The following ALMS1 variants were observed in gnomAD, a reference collection of about 807,000 sequenced individuals.
The protein encoded by ALMS1 is centrosome-associated protein ALMS1.
A neutral mutation model predicts 352.2 loss-of-function variants in ALMS1; 271 were observed. The ratio of observed to expected loss-of-function variants is 0.77; its 90% CI spans 0.70 to 0.85. ALMS1 has a LOEUF of 0.85. Ranked by LOEUF, ALMS1 falls within the 40% of genes least tolerant of loss-of-function variation. ALMS1 has a pLI of 0.00. For synonymous variants in ALMS1, 1,865 were observed against 1,761.2 expected (o/e 1.06, Z -1.48); for missense variants, 5,445 against 4,870.7 (o/e 1.12, Z -3.51).
chr2:73,431,578 A>T (rs1671499629), intron 6 of ALMS1, among the ~76,000 whole-genome samples: 1 of 152,212 alleles, frequency 6.6e-6, no homozygotes, highest in Non-Finnish European at 1.5e-5. Flanking sequence ...TTGATGAAAC[A>T]TTAGGAACTT....
At chr2:73,599,262 ACAGTATCT>A (rs1675619252) in intron 16 of ALMS1, 131 bp from the exon 17 acceptor site, 1 of 1,098,978 alleles carries the variant, frequency 9.1e-7, no homozygotes, top group East Asian at 2.4e-5. Context: ...CAGCAAGTTC[ACAGTATCT>A]CAAGCTTCCT....
chr2:73,404,554 C>T lies in ALMS1; in HGVS notation c.325-4068C>T, dbSNP rs72809999. 4.8e-3 allele frequency among the ~76,000 whole-genome samples: 729 copies of T among 151,436 alleles called. 3 individuals are homozygous for T. Among genetic ancestry groups the T allele is most frequent in the Middle Eastern group, 0.027 (8 of 294 alleles). ...TTTGAGATGATCATGTGGTTTTTGT[C>T]CTTCCATTAATGTGGTGTATTACAT... On this transcript the variant is annotated intron_variant, in intron 1 of 22. Transcript: ENST00000613296.
chr2:73,557,805 G>A (rs918727988), intron 14 of ALMS1, among the ~76,000 whole-genome samples: 6 of 152,130 alleles, frequency 3.9e-5, no homozygotes, highest in South Asian at 2.1e-4. Context: ...GTGTATTTAC[G>A]TTAGGATTAG....
chr2:73,585,129 C>T (rs1675281348), intron 16 of ALMS1, among the ~76,000 whole-genome samples: 1 of 152,112 alleles, frequency 6.6e-6, no homozygotes, highest in Non-Finnish European at 1.5e-5. Flanking sequence ...ATATTTTCCT[C>T]TGGGAAGATA....
intron 10 of ALMS1, among the ~76,000 whole-genome samples, chr2:73,498,307 T>C (rs773420828): frequency 6.6e-6 from 1 of 152,056 alleles, no homozygotes; most frequent in Admixed American, 6.6e-5. Context: ...TAGGTGTATA[T>C]GTTTATGGGT....
chr2:73,415,046 C>T (rs1289202375), intron 2 of ALMS1, among the ~76,000 whole-genome samples: 1 of 152,104 alleles, frequency 6.6e-6, no homozygotes, highest in Non-Finnish European at 1.5e-5. Flanking sequence ...AGATCCAGGA[C>T]TTTAAATACA....
intron 10 of ALMS1, among the ~76,000 whole-genome samples, chr2:73,510,351 A>G (rs763200498): frequency 6.6e-6 from 1 of 152,126 alleles, no homozygotes; most frequent in Non-Finnish European, 1.5e-5. Context: ...TTGTGGATTT[A>G]TCTACCTTTG....
intron 7 of ALMS1, among the ~76,000 whole-genome samples, chr2:73,444,694 G>A (rs932852159): frequency 3.3e-5 from 5 of 152,076 alleles, no homozygotes; most frequent in African/African-American, 9.7e-5. Context: ...TTATCAACAG[G>A]ACAACGTTAA....
intron 13 of ALMS1, among the ~76,000 whole-genome samples, chr2:73,553,665 A>C (rs1674485377): frequency 6.6e-6 from 1 of 152,238 alleles, no homozygotes; most frequent in Admixed American, 6.5e-5. Context: ...AATCATATGT[A>C]AATACTAAAT....
chr2:73,437,241 C>G (rs1671621459), intron 7 of ALMS1, among the ~76,000 whole-genome samples: 1 of 152,176 alleles, frequency 6.6e-6, no homozygotes, highest in Non-Finnish European at 1.5e-5. Context: ...TGGCACTGCT[C>G]TGTATCTGGG....
chr2:73,465,295 G>C (rs1366731065), intron 9 of ALMS1, among the ~76,000 whole-genome samples: 1 of 152,044 alleles, frequency 6.6e-6, no homozygotes, highest in Non-Finnish European at 1.5e-5. Flanking sequence ...CAGAGATATA[G>C]ATCAATGGAA....
chr2:73,390,794 GTC>G (rs142388896), intron 1 of ALMS1, among the ~76,000 whole-genome samples: 5 of 151,310 alleles, frequency 3.3e-5, no homozygotes, highest in South Asian at 4.2e-4. Context: ...TTAAGATGGA[GTC>G]TCTCGCTTTT....
intron 10 of ALMS1, among the ~76,000 whole-genome samples, chr2:73,512,222 C>T (rs932404329): frequency 4.0e-4 from 61 of 152,082 alleles, no homozygotes; most frequent in African/African-American, 1.3e-3. Flanking sequence ...GTAGCTGGGA[C>T]TACAGGTGCG....
At chr2:73,402,392 G>C (rs1434986486) in intron 1 of ALMS1, among the ~76,000 whole-genome samples, 3 of 149,772 alleles carry the variant, frequency 2.0e-5, no homozygotes, top group Admixed American at 1.3e-4. Flanking sequence ...TTGTGTCTCA[G>C]CCTCCTGAGT....
intron 16 of ALMS1, among the ~76,000 whole-genome samples, chr2:73,595,586 C>T (rs77366887): frequency 0.011 from 1,607 of 152,272 alleles, 25 homozygotes; most frequent in African/African-American, 0.036. Flanking sequence ...GTGAATGCTG[C>T]TATTAATACT....
intron 11 of ALMS1, among the ~76,000 whole-genome samples, chr2:73,522,593 C>G (rs1673705097): frequency 6.6e-6 from 1 of 151,340 alleles, no homozygotes; most frequent in Admixed American, 6.6e-5. Flanking sequence ...CTCAGCCTCC[C>G]AAGTAGCTGG....
chr2:73,499,794 C>G (rs1430626702), intron 10 of ALMS1, among the ~76,000 whole-genome samples: 1 of 152,102 alleles, frequency 6.6e-6, no homozygotes, highest in African/African-American at 2.4e-5. Flanking sequence ...TCAGTGACCT[C>G]CCTGTGGTAA....
chr2:73,579,266 G>A (rs1675121841), intron 16 of ALMS1, among the ~76,000 whole-genome samples: 1 of 151,606 alleles, frequency 6.6e-6, no homozygotes, highest in Non-Finnish European at 1.5e-5. Context: ...CACCATGTTG[G>A]CCAGGCTGGT....
intron 13 of ALMS1, among the ~76,000 whole-genome samples, chr2:73,554,231 CA>C (rs772330546): frequency 0.14 from 12,645 of 91,284 alleles, 1,086 homozygotes; most frequent in African/African-American, 0.32. Flanking sequence ...AATTCCAGGA[CA>C]AAAAAAAAAA....
Sources: gnomAD v4.1 joint callset for allele counts (sites outside exome capture counted in the v4.1 genomes callset) on GRCh38, gnomAD v4.1.1 for gene constraint, MANE v1.5 for transcripts, NCBI Gene and HGNC (gene_info 2026-07-23, HGNC 2026-07-21) for gene names.